The following RMDN1 variants were observed in gnomAD, a reference collection of about 807,000 sequenced individuals.
The protein encoded by RMDN1 is regulator of microtubule dynamics 1.
Under a neutral mutation model 48.9 loss-of-function variants are expected in RMDN1, and 48 were observed. That is an observed-to-expected ratio of 0.98 (90% CI 0.78 to 1.25). RMDN1 has a LOEUF of 1.25. RMDN1 is among the 50% of genes most tolerant of loss of function. The pLI, the probability that RMDN1 is intolerant of heterozygous loss-of-function variation, is 0.00. For missense variants in RMDN1, 418 were observed against 373.4 expected (o/e 1.12, Z -0.98); for synonymous variants, 148 against 132.6 (o/e 1.12, Z -0.80).
Position 86,507,032 on chromosome 8 carries a change from A to G in RMDN1, c.210T>C (p.Val70=). The G allele has an allele frequency of 1.9e-6, 3 of 1,612,032 alleles. No homozygotes were observed. The highest frequency in any genetic ancestry group is 2.5e-6 in the Non-Finnish European group (3 of 1,178,080). The change falls in exon 2 of 10, where the codon GTT becomes GTC. Residue 70 remains valine, a synonymous_variant. Transcript: ENST00000406452. ...CATGAACCACAGCAGCCTGAGAGAT[A>G]ACCTGGTAAGTTTCAAAACCCAAAT... is the stretch of plus-strand genomic sequence containing the variant. ...LSYLGFETYQ[V]ISQAAVVHAT...
intron 5 of RMDN1, chr8:86,482,978 G>C: frequency 1.4e-6 from 1 of 706,846 alleles, no homozygotes; most frequent in Non-Finnish European, 2.5e-6. Context: ...AGCCGCACTC[G>C]CTGCCCCTCG....
chr8:86,476,808 G>T (rs938484989), intron 8 of RMDN1, among the ~76,000 whole-genome samples: 8 of 152,112 alleles, frequency 5.3e-5, no homozygotes, highest in African/African-American at 1.9e-4. Context: ...TGACCTTCCT[G>T]CCTCAGCCTC....
rs1243247203 is a variant in RMDN1 at position 86,472,644 on chromosome 8, A to C, written c.*1664T>G. 1.7e-6 allele frequency: 1 copy of C among 582,828 alleles called. No homozygotes were observed. Among genetic ancestry groups the C allele is most frequent in the Non-Finnish European group, 3.0e-6 (1 of 330,860 alleles). The allele number at this position is 582,828 out of a possible 1,614,324, so 36.1% of individuals were successfully genotyped here. A position where few individuals can be genotyped will look rare whatever the true frequency, so the allele number is the denominator to read the frequency against. ...GACCACATTATTTTTTCACTGTATCAGTGGTGTGTCATATTTTTTTTTTTG... is the reference window on the plus strand; with the variant it reads ...GACCACATTATTTTTTCACTGTATCCGTGGTGTGTCATATTTTTTTTTTTG... On this transcript the variant is annotated 3_prime_UTR_variant, in exon 10 of 10. Transcript: ENST00000406452.
intron 2 of RMDN1, among the ~76,000 whole-genome samples, chr8:86,503,378 A>C (rs1818663278): frequency 2.6e-5 from 2 of 77,944 alleles, no homozygotes; most frequent in Non-Finnish European, 4.5e-5. Context: ...AAACAAAAAA[A>C]AAAAAAAAAA....
chr8:86,498,939 C>A (rs908744766), intron 2 of RMDN1, among the ~76,000 whole-genome samples: 14 of 152,142 alleles, frequency 9.2e-5, no homozygotes, highest in African/African-American at 3.1e-4. Flanking sequence ...GGATTCATCA[C>A]AGAAACAGAA....
At chr8:86,509,826 A>T (rs1819950691), upstream of RMDN1, among the ~76,000 whole-genome samples, 1 of 152,180 alleles carries the variant, frequency 6.6e-6, no homozygotes, top group African/African-American at 2.4e-5. Context: ...TTATGTCTTT[A>T]AAGTCTATCT....
intron 6 of RMDN1, among the ~76,000 whole-genome samples, chr8:86,479,391 G>A (rs1183241503): frequency 1.3e-5 from 2 of 152,074 alleles, no homozygotes; most frequent in Non-Finnish European, 2.9e-5. Context: ...CAAGAAAAAT[G>A]ACAAAGCTAA....
chr8:86,504,976 G>C (rs1319295809), intron 2 of RMDN1: 13 of 1,435,784 alleles, frequency 9.1e-6, no homozygotes, highest in Middle Eastern at 1.8e-4. Context: ...GCCTTTAAAA[G>C]GCAGGCACAT....
chr8:86,493,005 A>T (rs1816755746), intron 2 of RMDN1, among the ~76,000 whole-genome samples: 1 of 134,102 alleles, frequency 7.5e-6, no homozygotes, highest in African/African-American at 3.3e-5. Context: ...TCAATTCCTT[A>T]AAAAAAAAAA....
intron 2 of RMDN1, among the ~76,000 whole-genome samples, chr8:86,498,301 T>C (rs1466902005): frequency 1.3e-5 from 2 of 149,964 alleles, no homozygotes; most frequent in African/African-American, 4.9e-5. Context: ...CTGGACTAGA[T>C]GGAGTCATAG....
Position 86,473,619 on chromosome 8 carries a change from A to T in RMDN1, c.*689T>A. On this transcript the variant is annotated 3_prime_UTR_variant, in exon 10 of 10. Transcript: ENST00000406452. Reference sequence around the variant, plus strand: ...CATCTCTACCAAAAATACAAAAGTTAGCCGAGTGTGGTGGTACAACCCTGT... The same window carrying T: ...CATCTCTACCAAAAATACAAAAGTTTGCCGAGTGTGGTGGTACAACCCTGT... 2.6e-6 allele frequency: 1 copy of T among 380,298 alleles called. No homozygotes were observed. Among genetic ancestry groups the T allele is most frequent in the Non-Finnish European group, 3.6e-6 (1 of 277,130 alleles). 23.6% of individuals were successfully genotyped at this position (380,298 alleles called of 1,614,324 possible). A position where few individuals can be genotyped will look rare whatever the true frequency, so the allele number is the denominator to read the frequency against.
intron 3 of RMDN1, 150 bp downstream of exon 3, chr8:86,488,402 G>A: frequency 2.3e-6 from 1 of 440,308 alleles, no homozygotes; most frequent in Non-Finnish European, 4.1e-6. Context: ...GAAACAAATA[G>A]TATATTATAA....
intron 5 of RMDN1, 119 bp downstream of exon 5, chr8:86,484,753 T>C (rs1815179650): frequency 2.0e-6 from 1 of 494,728 alleles, no homozygotes; most frequent in Admixed American, 3.8e-5. Flanking sequence ...CAAACTGTCA[T>C]GGCTCTACTC....
In RMDN1 at chr8:86,508,657, G is replaced by C. The variant is rs767697869; in HGVS notation, c.-37C>G. ...TGCGGGCTGACCCTGCACTACTTCA[G>C]GCAGCTACGGAGGCGGGCGGGGCTA... On this transcript the variant is annotated 5_prime_UTR_variant, in exon 1 of 10. Transcript: ENST00000406452. 6 of 1,565,514 alleles carry C rather than the reference G, an allele frequency of 3.8e-6. No individual in the cohort carries two copies. Among genetic ancestry groups the C allele is most frequent in the Non-Finnish European group, 5.2e-6 (6 of 1,154,778 alleles).
intron 2 of RMDN1, among the ~76,000 whole-genome samples, chr8:86,498,973 T>C (rs985922220): frequency 2.0e-5 from 3 of 152,056 alleles, no homozygotes; most frequent in African/African-American, 4.8e-5. Context: ...AAAAACCACA[T>C]GATCATCTCA....
intron 2 of RMDN1, chr8:86,504,253 T>C (rs112008020): frequency 3.6e-5 from 56 of 1,566,944 alleles, no homozygotes; most frequent in East Asian, 1.1e-4. Context: ...GAATGCTAAG[T>C]AGATCCTCCA....
chr8:86,491,129 A>AATTT (rs930761919), intron 2 of RMDN1, among the ~76,000 whole-genome samples: 73 of 151,362 alleles, frequency 4.8e-4, no homozygotes, highest in Non-Finnish European at 8.6e-4. Flanking sequence ...TATATATATA[A>AATTT]ATTTATTTAT....
At chr8:86,484,576 G>C (rs1815130520) in intron 5 of RMDN1, 1 of 190,556 alleles carries the variant, frequency 5.2e-6, no homozygotes, top group Non-Finnish European at 1.1e-5. Flanking sequence ...AAATTAGCCA[G>C]ATGTGGTGGT....
chr8:86,509,873 C>G (rs1454272338), upstream of RMDN1, among the ~76,000 whole-genome samples: 1 of 152,112 alleles, frequency 6.6e-6, no homozygotes, highest in Non-Finnish European at 1.5e-5. Context: ...ACTTCTGAAA[C>G]CTAGCTGTTT....
Sources: gnomAD v4.1 joint callset for allele counts (sites outside exome capture counted in the v4.1 genomes callset) on GRCh38, gnomAD v4.1.1 for gene constraint, MANE v1.5 for transcripts, NCBI Gene and HGNC (gene_info 2026-07-23, HGNC 2026-07-21) for gene names.